SHC4: variants seen among roughly 807,000 people sequenced by gnomAD.
SHC4 encodes SHC-transforming protein 4.
Under a neutral mutation model 69.4 loss-of-function variants are expected in SHC4, and 41 were observed. The observed-to-expected ratio is 0.59, with a 90% CI of 0.46 to 0.77. The LOEUF is 0.77. SHC4 is among the 30% of genes least tolerant of loss of function. SHC4 has a pLI of 0.00. For synonymous variants in SHC4, 318 were observed against 299.3 expected (o/e 1.06, Z -0.64); for missense variants, 777 against 783.8 (o/e 0.99, Z 0.10).
intron 4 of SHC4, chr15:48,879,023 T>C (rs1347493834): frequency 3.1e-6 from 1 of 323,570 alleles, no homozygotes; most frequent in Non-Finnish European, 6.0e-6. Context: ...ATTATTTTCC[T>C]TGCATTGGGG....
chr15:48,924,412 T>C (rs904120169), intron 2 of SHC4, among the ~76,000 whole-genome samples: 8 of 152,318 alleles, frequency 5.3e-5, no homozygotes, highest in African/African-American at 1.9e-4. Context: ...ACTTCCCTGA[T>C]TCCACTGTTC....
chr15:48,828,406 T>G (rs1288299390), intron 11 of SHC4, among the ~76,000 whole-genome samples: 2 of 152,190 alleles, frequency 1.3e-5, no homozygotes, highest in Non-Finnish European at 2.9e-5. Context: ...CATTTATTGT[T>G]TAGTGGATCT....
chr15:48,857,639 T>TA lies in SHC4; in HGVS notation c.1070+52dup, dbSNP rs1480553976. The TA allele has an allele frequency of 2.1e-6, 3 of 1,438,288 alleles. No individual in the cohort carries two copies. In the African/African-American group the frequency reaches 4.3e-5, roughly 21 times the overall value. The allele number at this position is 1,438,288 out of a possible 1,614,324, so 89.1% of individuals were successfully genotyped here. A position where few individuals can be genotyped will look rare whatever the true frequency, so the allele number is the denominator to read the frequency against. On this transcript the variant is annotated intron_variant, in intron 7 of 11. Coordinates refer to ENST00000332408, the MANE Select transcript of SHC4 (RefSeq NM_203349.4). Reference sequence around the variant, plus strand: ...ACACACACAAATAAATACATACAGATAAATGCACACATATATATATATTGT... The same window carrying TA: ...ACACACACAAATAAATACATACAGATAAAATGCACACATATATATATATTGT...
chr15:48,932,658 C>A (rs1157386572), intron 1 of SHC4, among the ~76,000 whole-genome samples: 2 of 152,176 alleles, frequency 1.3e-5, no homozygotes, highest in Non-Finnish European at 2.9e-5. Context: ...CAAGGAAATG[C>A]AAAGTCACTT....
At chr15:48,945,480 C>T (rs1275102984) in intron 1 of SHC4, among the ~76,000 whole-genome samples, 1 of 152,182 alleles carries the variant, frequency 6.6e-6, no homozygotes, top group Non-Finnish European at 1.5e-5. Flanking sequence ...GGTCCAGTAA[C>T]TGGTGAATGG....
intron 1 of SHC4, among the ~76,000 whole-genome samples, chr15:48,937,487 A>G (rs1211746909): frequency 6.6e-6 from 1 of 152,124 alleles, no homozygotes; most frequent in Non-Finnish European, 1.5e-5. Flanking sequence ...GTTCCATGTC[A>G]TCTTTCCGAT....
chr15:48,849,364 C>T (rs1421592735), intron 9 of SHC4, among the ~76,000 whole-genome samples: 2 of 152,136 alleles, frequency 1.3e-5, no homozygotes, highest in Non-Finnish European at 2.9e-5. Flanking sequence ...TCTACAGCCT[C>T]CCCAATTAAG....
intron 1 of SHC4, among the ~76,000 whole-genome samples, chr15:48,937,134 A>T (rs1901086118): frequency 6.6e-6 from 1 of 152,250 alleles, no homozygotes; most frequent in Non-Finnish European, 1.5e-5. Flanking sequence ...TTGCACAAAT[A>T]GAGATGTATA....
At chr15:48,882,661 A>T (rs1281473734) in intron 4 of SHC4, among the ~76,000 whole-genome samples, 1 of 152,080 alleles carries the variant, frequency 6.6e-6, no homozygotes, top group African/African-American at 2.4e-5. Flanking sequence ...TTCTACCCAA[A>T]AGGCTGTCAT....
intron 11 of SHC4, among the ~76,000 whole-genome samples, chr15:48,833,762 G>T (rs893420267): frequency 2.0e-5 from 3 of 152,278 alleles, no homozygotes; most frequent in African/African-American, 4.8e-5. Context: ...CAAGGGAGAG[G>T]TCATGAGACA....
At chr15:48,943,896 G>A (rs1046780149) in intron 1 of SHC4, among the ~76,000 whole-genome samples, 7 of 151,864 alleles carry the variant, frequency 4.6e-5, no homozygotes, top group Non-Finnish European at 1.0e-4. Context: ...ACATCTCCTT[G>A]GGCCCCTGGC....
At chr15:48,887,956 A>G (rs888714775) in intron 3 of SHC4, among the ~76,000 whole-genome samples, 1 of 152,220 alleles carries the variant, frequency 6.6e-6, no homozygotes, top group Non-Finnish European at 1.5e-5. Context: ...AAAGAAACTG[A>G]AAATGTGAAT....
intron 4 of SHC4, among the ~76,000 whole-genome samples, chr15:48,883,880 T>C (rs1456286346): frequency 2.0e-5 from 3 of 152,344 alleles, no homozygotes; most frequent in South Asian, 4.1e-4. Flanking sequence ...ATCTGTACCC[T>C]GGCCCAACAC....
intron 7 of SHC4, among the ~76,000 whole-genome samples, chr15:48,856,686 A>C (rs1008572147): frequency 6.6e-6 from 1 of 152,052 alleles, no homozygotes; most frequent in African/African-American, 2.4e-5. Flanking sequence ...AGATTTATAT[A>C]AACATGGAAT....
At chr15:48,955,895 G>A (rs1901445312) in intron 1 of SHC4, among the ~76,000 whole-genome samples, 1 of 152,190 alleles carries the variant, frequency 6.6e-6, no homozygotes, top group African/African-American at 2.4e-5. Flanking sequence ...TAGATGTGTG[G>A]TTGGGGGCAA....
chr15:48,863,916 T>C (rs555747221), intron 6 of SHC4, among the ~76,000 whole-genome samples: 188 of 152,310 alleles, frequency 1.2e-3, no homozygotes, highest in South Asian at 1.9e-3. Context: ...CAGTGTTTTC[T>C]TCTATTTAAA....
intron 1 of SHC4, among the ~76,000 whole-genome samples, chr15:48,939,342 C>T (rs1349445023): frequency 6.6e-6 from 1 of 152,082 alleles, no homozygotes; most frequent in African/African-American, 2.4e-5. Flanking sequence ...GAAGGGCAGG[C>T]AATGAGAGGT....
intron 5 of SHC4, among the ~76,000 whole-genome samples, chr15:48,868,122 A>T: frequency 6.6e-6 from 1 of 152,228 alleles, no homozygotes; most frequent in Non-Finnish European, 1.5e-5. Context: ...TGTCATTAAG[A>T]ATAAAAGAGA....
chr15:48,931,216 G>A (rs1440948949), intron 1 of SHC4, among the ~76,000 whole-genome samples: 1 of 152,066 alleles, frequency 6.6e-6, no homozygotes, highest in Non-Finnish European at 1.5e-5. Context: ...AACCCTGACT[G>A]CATATTAGAA....
Sources: allele counts gnomAD v4.1 joint callset (sites outside exome capture counted in the v4.1 genomes callset), GRCh38; gene constraint gnomAD v4.1.1; transcripts MANE v1.5; gene names NCBI Gene and HGNC (gene_info 2026-07-23, HGNC 2026-07-21).